PIGL: variants seen among roughly 807,000 people sequenced by gnomAD.
PIGL encodes phosphatidylinositol glycan anchor biosynthesis class L, also known as N-acetylglucosaminyl-phosphatidylinositol de-N-acetylase.
In PIGL, 22 loss-of-function variants were observed where a neutral mutation model predicts 31.1. That is an observed-to-expected ratio of 0.71 (90% CI 0.51 to 1.01). The LOEUF is 1.01. PIGL is among the 50% of genes least tolerant of loss of function. The probability of loss-of-function intolerance (pLI) is 0.00; values close to 1 mark genes in which losing one functional copy is unlikely to be tolerated. For missense variants in PIGL, 302 were observed against 315.9 expected, an observed-to-expected ratio of 0.96 and a Z score of 0.33; for synonymous variants, 131 against 117.4, an observed-to-expected ratio of 1.12 and a Z score of -0.75.
intron 1 of PIGL, among the ~76,000 whole-genome samples, chr17:16,231,043 GT>G (rs1034944087): frequency 1.6e-4 from 20 of 124,896 alleles, no homozygotes; most frequent in Admixed American, 4.7e-4. Context: ...CCTTTATATG[GT>G]TTTTTTTTTG....
intron 5 of PIGL, 97 bp downstream of exon 5, chr17:16,316,809 C>G (rs1490620306): frequency 6.4e-7 from 1 of 1,568,832 alleles, no homozygotes; most frequent in Non-Finnish European, 8.7e-7. Context: ...CTGCCCTCAG[C>G]CGAGCAGAGG....
At chr17:16,254,044 C>G (rs2092783343) in intron 2 of PIGL, among the ~76,000 whole-genome samples, 1 of 152,172 alleles carries the variant, frequency 6.6e-6, no homozygotes, top group African/African-American at 2.4e-5. Context: ...ACCATGCTGT[C>G]TAATGCATCC....
At chr17:16,294,670 A>G (rs761574550) in intron 2 of PIGL, among the ~76,000 whole-genome samples, 1 of 152,260 alleles carries the variant, frequency 6.6e-6, no homozygotes, top group African/African-American at 2.4e-5. Flanking sequence ...CTCTATTCCA[A>G]TGGAAACTAC....
At chr17:16,237,432 A>G (rs1049420898) in intron 2 of PIGL, among the ~76,000 whole-genome samples, 1 of 151,680 alleles carries the variant, frequency 6.6e-6, no homozygotes, top group Non-Finnish European at 1.5e-5. Flanking sequence ...AAGGAAAAAA[A>G]TCAGAAATAT....
At chr17:16,315,337 C>A (rs1159751637) in intron 4 of PIGL, among the ~76,000 whole-genome samples, 1 of 152,228 alleles carries the variant, frequency 6.6e-6, no homozygotes, top group Non-Finnish European at 1.5e-5. Flanking sequence ...CCTCAGCCAC[C>A]TTGAACCTTC....
At chr17:16,258,775 A>G (rs1011281910) in intron 2 of PIGL, among the ~76,000 whole-genome samples, 51 of 152,312 alleles carry the variant, frequency 3.3e-4, no homozygotes, top group African/African-American at 1.2e-3. Flanking sequence ...TGCTAGGATT[A>G]AAGGTGTGAG....
intron 6 of PIGL, among the ~76,000 whole-genome samples, chr17:16,318,791 C>T (rs531400359): frequency 4.6e-5 from 7 of 151,632 alleles, no homozygotes; most frequent in East Asian, 2.0e-4. Flanking sequence ...ATTAGCCAGG[C>T]GTGGTGGCAT....
intron 2 of PIGL, among the ~76,000 whole-genome samples, chr17:16,255,819 A>C (rs57283014): frequency 0.053 from 8,084 of 152,266 alleles, 576 homozygotes; most frequent in African/African-American, 0.16. Context: ...TTGGCAAGAG[A>C]AGGGCAGGGC....
chr17:16,316,575 A>C (rs1179964772), intron 4 of PIGL, 106 bp from the exon 5 acceptor site: 1 of 1,115,368 alleles, frequency 9.0e-7, no homozygotes, highest in East Asian at 2.4e-5. Context: ...GGAGACTCAC[A>C]TGGAGGGGAC....
intron 2 of PIGL, among the ~76,000 whole-genome samples, chr17:16,291,520 AAAAAG>A (rs2092960486): frequency 1.4e-5 from 2 of 144,488 alleles, no homozygotes; most frequent in African/African-American, 2.5e-5. Flanking sequence ...AAAAAAAAAA[AAAAAG>A]AAAGAAAGAA....
intron 1 of PIGL, among the ~76,000 whole-genome samples, chr17:16,231,391 T>C (rs573714811): frequency 6.6e-6 from 1 of 151,846 alleles, no homozygotes; most frequent in Non-Finnish European, 1.5e-5. Context: ...TGAGCCACCA[T>C]GCCCAGCTAA....
intron 2 of PIGL, among the ~76,000 whole-genome samples, chr17:16,298,729 G>A (rs116611441): frequency 1.3e-3 from 202 of 152,230 alleles, no homozygotes; most frequent in African/African-American, 4.7e-3. Context: ...AACTTCATCG[G>A]TAAAGGCTCT....
intron 1 of PIGL, among the ~76,000 whole-genome samples, chr17:16,230,730 G>T (rs2092675029): frequency 6.6e-6 from 1 of 151,300 alleles, no homozygotes; most frequent in African/African-American, 2.4e-5. Context: ...CTTTTCTCCT[G>T]CCTCAGCCTC....
At chr17:16,223,639 G>A (rs1438224321) in intron 1 of PIGL, among the ~76,000 whole-genome samples, 1 of 151,986 alleles carries the variant, frequency 6.6e-6, no homozygotes, top group East Asian at 1.9e-4. Context: ...CAGTACTTTG[G>A]GAGGCCAAAG....
At chr17:16,217,627 T>TACAC in intron 1 of PIGL, 166 bp downstream of exon 1, 3 of 523,068 alleles carry the variant, frequency 5.7e-6, no homozygotes, top group East Asian at 3.1e-5. Flanking sequence ...AGCGGCCGGC[T>TACAC]TACCTGGTGG....
chr17:16,241,637 G>A (rs541887760), intron 2 of PIGL, among the ~76,000 whole-genome samples: 2 of 152,098 alleles, frequency 1.3e-5, no homozygotes, highest in South Asian at 2.1e-4. Flanking sequence ...TAAGAACTGG[G>A]GATCAGTTAG....
intron 1 of PIGL, among the ~76,000 whole-genome samples, chr17:16,219,168 G>A (rs919993689): frequency 2.0e-5 from 3 of 149,526 alleles, no homozygotes; most frequent in African/African-American, 4.9e-5. Context: ...CTGGGTTCAC[G>A]CCCTTCTTTC....
rs572113621 is a variant in PIGL at position 16,289,697 on chromosome 17, G to A, written c.336-10191G>A. Among the ~76,000 whole-genome samples, 44 of 152,352 alleles carry A rather than the reference G, an allele frequency of 2.9e-4. 1 individual carries two copies. The South Asian group carries it at 8.7e-3, about 30-fold the overall frequency. ...AAGTCATAAGTAGCAAGGGAATTGC[G>A]CCAGAATACCTGTCTTTTGCTGGAG... On this transcript the variant is annotated intron_variant, in intron 2 of 6. Coordinates refer to ENST00000225609, the MANE Select transcript of PIGL (RefSeq NM_004278.4).
chr17:16,320,111 TTA>T (rs2093096697), intron 6 of PIGL, among the ~76,000 whole-genome samples: 1 of 142,708 alleles, frequency 7.0e-6, no homozygotes, highest in Non-Finnish European at 1.5e-5. Context: ...CACAGCTTTA[TTA>T]GGAAAAAGGG....
Sources: gnomAD v4.1 joint callset for allele counts (sites outside exome capture counted in the v4.1 genomes callset) on GRCh38, gnomAD v4.1.1 for gene constraint, MANE v1.5 for transcripts, NCBI Gene and HGNC (gene_info 2026-07-23, HGNC 2026-07-21) for gene names.